GLT6D1: variants seen among roughly 807,000 people sequenced by gnomAD.
GLT6D1 encodes the protein glycosyltransferase 6 domain containing 1, also known as putative glycosyltransferase 6 domain-containing protein 1.
GLT6D1 carries 9 observed loss-of-function variants against 12.3 expected under a neutral mutation model. The observed-to-expected ratio is 0.73, with a 90% confidence interval of 0.44 to 1.27. The LOEUF is 1.27. Among genes scored for constraint, GLT6D1 ranks in the 50% most tolerant of loss-of-function variants. GLT6D1 has a pLI of 0.00. For missense variants in GLT6D1, 335 were observed against 346.2 expected, an observed-to-expected ratio of 0.97 and a Z score of 0.26; for synonymous variants, 128 against 132.3, an observed-to-expected ratio of 0.97 and a Z score of 0.23.
chr9:135,625,222 T>C (rs1281488711), intron 4 of GLT6D1, among the ~76,000 whole-genome samples: 4 of 152,112 alleles, frequency 2.6e-5, no homozygotes, highest in Non-Finnish European at 4.4e-5. Flanking sequence ...AAAGCCACCA[T>C]GTTTTGGAAT....
chr9:135,629,658 G>A (rs1833592377), intron 3 of GLT6D1, among the ~76,000 whole-genome samples: 1 of 152,098 alleles, frequency 6.6e-6, no homozygotes, highest in Admixed American at 6.5e-5. Flanking sequence ...TTGATTAGTT[G>A]TTCTGTCTCT....
Position 135,625,228 on chromosome 9 carries a change from G to T in GLT6D1, c.258-558C>A, listed in dbSNP as rs546331213. The stretch of plus-strand genomic sequence containing the variant: ...GGCCTGAGAAAAGCCACCATGTTTT[G>T]GAATGGCTGTTGTGAAGAAAGGGAG... On this transcript the variant is annotated intron_variant, in intron 4 of 4. Coordinates refer to ENST00000371763, the MANE Select transcript of GLT6D1 (RefSeq NM_182974.3). Among the ~76,000 whole-genome samples the T allele has an allele frequency of 2.5e-3, 380 of 152,264 alleles. 4 individuals carry two copies. Among genetic ancestry groups the T allele is most frequent in the Non-Finnish European group, 7.4e-5 (5 of 68,020 alleles).
intron 3 of GLT6D1, among the ~76,000 whole-genome samples, chr9:135,628,230 A>G (rs1333427771): frequency 6.6e-6 from 1 of 151,746 alleles, no homozygotes; most frequent in Non-Finnish European, 1.5e-5. Context: ...TGTACTTTTG[A>G]CTCATCAGGT....
intron 4 of GLT6D1, among the ~76,000 whole-genome samples, chr9:135,625,763 A>G (rs797008528): frequency 6.6e-6 from 1 of 152,218 alleles, no homozygotes; most frequent in Non-Finnish European, 1.5e-5. Flanking sequence ...TACTCAGCCT[A>G]TGAGGAACTG....
rs1225097514 is a variant in GLT6D1, at chr9:135,624,516, C to T, written c.412G>A (p.Gly138Ser). 2 of 1,613,906 alleles carry T rather than the reference C, an allele frequency of 1.2e-6. No homozygotes were observed. Among genetic ancestry groups the T allele is most frequent in the Non-Finnish European group, 1.7e-6 (2 of 1,180,030 alleles). ...CCATCGAGCCACCACCTCTCGGTGC[C>T]CACTTTAAATGCTTTGAACGTTCGA... ...PLRTFKAFKV[G>S]TERWWLDGPL... The change falls in exon 5 of 5, where the codon GGC (glycine) becomes AGC (serine). Residue 138 changes from glycine to serine, a missense_variant. Coordinates refer to ENST00000371763, the MANE Select transcript of GLT6D1 (RefSeq NM_182974.3).
chr9:135,632,527 G>A (rs1017615970), intron 2 of GLT6D1, among the ~76,000 whole-genome samples: 4 of 152,144 alleles, frequency 2.6e-5, no homozygotes, highest in Admixed American at 6.5e-5. Context: ...CGAAAAGGGG[G>A]AACTTAATAA....
intron 4 of GLT6D1, among the ~76,000 whole-genome samples, chr9:135,625,487 C>T (rs1019093974): frequency 3.3e-5 from 5 of 152,178 alleles, no homozygotes; most frequent in Non-Finnish European, 5.9e-5. Context: ...TTGTCGGCCT[C>T]CTGCCTTAGT....
At chr9:135,640,726 A>G (rs982245550), upstream of GLT6D1, among the ~76,000 whole-genome samples, 1 of 152,108 alleles carries the variant, frequency 6.6e-6, no homozygotes, top group African/African-American at 2.4e-5. Flanking sequence ...TCTAAAAAAA[A>G]AAAGAAAAAA....
chr9:135,629,511 G>A (rs1833589715), intron 3 of GLT6D1, among the ~76,000 whole-genome samples: 2 of 152,154 alleles, frequency 1.3e-5, no homozygotes, highest in African/African-American at 2.4e-5. Flanking sequence ...TGAATTTACT[G>A]AGATTTTATT....
rs1183656111 is a variant in GLT6D1 at position 135,623,711 on chromosome 9, T to A, written c.*386A>T. 1.3e-5 allele frequency: 2 copies of A among 158,092 alleles called. No homozygotes were observed. Among genetic ancestry groups the A allele is most frequent in the African/African-American group, 4.9e-5 (2 of 40,854 alleles). 9.8% of individuals were successfully genotyped at this position (158,092 alleles called of 1,614,324 possible). On this transcript the variant is annotated 3_prime_UTR_variant, in exon 5 of 5. Transcript: ENST00000371763. ...ACTTTTCCATTTTATGAATGTTTTT[T>A]CTCAACTAGAGTCTTTCTCCATTAA...
At position 135,639,471 on chromosome 9, in the gene GLT6D1, A is replaced by C; in HGVS notation, c.-185T>G. On this transcript the variant is annotated 5_prime_UTR_variant, in exon 1 of 5. Transcript: ENST00000371763. ...TGATTGCATGAAAGAAACGCAATAA[A>C]TCTCTCCACTGCAGGGCTGTGCAAA... 3.7e-6 allele frequency: 1 copy of C among 268,746 alleles called. No homozygotes were observed. The highest frequency in any genetic ancestry group is 7.0e-6 in the Non-Finnish European group (1 of 142,198). The allele number at this position is 268,746 out of a possible 1,614,324, so 16.6% of individuals were successfully genotyped here.
chr9:135,627,956 C>A (rs1311291023), intron 3 of GLT6D1, among the ~76,000 whole-genome samples: 1 of 152,130 alleles, frequency 6.6e-6, no homozygotes, highest in Non-Finnish European at 1.5e-5. Context: ...GGCATCTTTT[C>A]ATGTGCTTAT....
upstream of GLT6D1, among the ~76,000 whole-genome samples, chr9:135,640,403 C>A (rs1015318320): frequency 6.6e-6 from 1 of 152,112 alleles, no homozygotes; most frequent in Non-Finnish European, 1.5e-5. Context: ...TGTAATGTGG[C>A]TACTAGGAAA....
intron 3 of GLT6D1, 133 bp downstream of exon 3, chr9:135,631,298 C>G: frequency 1.4e-6 from 1 of 731,270 alleles, no homozygotes; most frequent in Non-Finnish European, 2.5e-6. Context: ...TTTATAAGAG[C>G]CTCGAAAATA....
chr9:135,635,131 C>CT (rs1379040776), intron 2 of GLT6D1, among the ~76,000 whole-genome samples: 2 of 152,176 alleles, frequency 1.3e-5, no homozygotes, highest in Admixed American at 1.3e-4. Flanking sequence ...TTTCTTCCTT[C>CT]TTTTTGCTCC....
chr9:135,633,342 C>T (rs974896920), intron 2 of GLT6D1, among the ~76,000 whole-genome samples: 4 of 152,136 alleles, frequency 2.6e-5, no homozygotes, highest in African/African-American at 7.2e-5. Flanking sequence ...CTCCACCTCC[C>T]GGGTTTAAGC....
intron 2 of GLT6D1, among the ~76,000 whole-genome samples, chr9:135,637,877 T>A (rs1461618000): frequency 1.3e-5 from 2 of 152,212 alleles, no homozygotes; most frequent in Non-Finnish European, 2.9e-5. Context: ...CTATTATCTG[T>A]CATGATACTA....
At chr9:135,632,666 A>ATT (rs5901081) in intron 2 of GLT6D1, among the ~76,000 whole-genome samples, 4 of 138,392 alleles carry the variant, frequency 2.9e-5, no homozygotes, top group African/African-American at 1.1e-4. Context: ...CTCGACAGAG[A>ATT]TTTTTTTTTT....
At chr9:135,630,054 T>A (rs1488780076) in intron 3 of GLT6D1, among the ~76,000 whole-genome samples, 1 of 152,222 alleles carries the variant, frequency 6.6e-6, no homozygotes, top group African/African-American at 2.4e-5. Context: ...CTTTTTTAAT[T>A]GGAGAGTTTT....
Sources: gnomAD v4.1 joint callset for allele counts (sites outside exome capture counted in the v4.1 genomes callset) on GRCh38, gnomAD v4.1.1 for gene constraint, MANE v1.5 for transcripts, NCBI Gene and HGNC (gene_info 2026-07-23, HGNC 2026-07-21) for gene names.